The following YARS1 variants were observed in gnomAD, a reference collection of about 807,000 sequenced individuals.
YARS1 encodes tyrosyl-tRNA synthetase 1, also known as tyrosine--tRNA ligase, cytoplasmic.
Under a neutral mutation model 62.2 loss-of-function variants are expected in YARS1, and 36 were observed. That is an observed-to-expected ratio of 0.58 (90% confidence interval 0.44 to 0.76). The LOEUF is 0.76. YARS1 is among the 30% of genes least tolerant of loss of function. YARS1 has a pLI of 0.00. For missense variants in YARS1, 524 were observed against 639.8 expected (o/e 0.82, Z 1.95); for synonymous variants, 234 against 244.9 (o/e 0.96, Z 0.42).
chr1:32,794,298 C>T (rs1224822848), intron 5 of YARS1, among the ~76,000 whole-genome samples: 3 of 151,920 alleles, frequency 2.0e-5, no homozygotes, highest in South Asian at 4.2e-4. Flanking sequence ...TGCAGTGAGC[C>T]GAGATCATGC....
chr1:32,779,995 A>G (rs1041470565), intron 11 of YARS1, 90 bp downstream of exon 11: 1 of 1,506,356 alleles, frequency 6.6e-7, no homozygotes, highest in Admixed American at 1.7e-5. Context: ...CAGAGCTTCC[A>G]CCTGGTGTGT....
At chr1:32,809,777 G>A (rs1284802843) in intron 3 of YARS1, among the ~76,000 whole-genome samples, 7 of 152,140 alleles carry the variant, frequency 4.6e-5, no homozygotes, top group East Asian at 1.9e-4. Context: ...CTAATAGAGC[G>A]CTATGTACTT....
At chr1:32,802,437 C>T (rs1638324991) in intron 4 of YARS1, among the ~76,000 whole-genome samples, 1 of 151,908 alleles carries the variant, frequency 6.6e-6, no homozygotes. Context: ...CAGAGGTTTT[C>T]AGTTTACTTT....
intron 4 of YARS1, 59 bp from the exon 5 acceptor site, chr1:32,797,902 G>A (rs1557457861): frequency 2.1e-6 from 3 of 1,452,952 alleles, no homozygotes; most frequent in Non-Finnish European, 2.9e-6. Flanking sequence ...ACAGAGTCTC[G>A]CTCTGTCGCC....
At chr1:32,797,447 C>T (rs34460415) in intron 5 of YARS1, 15,152 of 422,556 alleles carry the variant, frequency 0.036, 370 homozygotes, top group African/African-American at 0.076. Context: ...GTAGTTCCAA[C>T]TGGTAATGCC....
At position 32,806,618 on chromosome 1, in the gene YARS1, AG is replaced by A. The variant is rs777255887; in HGVS notation, c.381-8del. 6.2e-7 allele frequency: 1 copy of A among 1,614,148 alleles called. No homozygotes were observed. The highest frequency in any genetic ancestry group is 8.5e-7 in the Non-Finnish European group (1 of 1,180,034). ...CACATCTAGTGTGTACTCTCTGAAG[AG>A]GAAAGGAAGAGGGGACAGCTGTAAA... On this transcript the variant is annotated splice_region_variant and splice_polypyrimidine_tract_variant and intron_variant, in intron 3 of 12. Transcript: ENST00000373477.
chr1:32,776,005 C>T lies in YARS1; in HGVS notation c.1563G>A (p.Ser521=), dbSNP rs139496156. 6.8e-6 allele frequency: 11 copies of T among 1,613,954 alleles called. No homozygotes were observed. In the African/African-American group the frequency reaches 1.3e-4, roughly 20 times the overall value. ...MTKLGSISCK[S]LKGGNIS ...GCTAGCTAATGTTCCCCCCTTTCAG[C>T]GATTTACAGGAAATGGAGCCCAGCT... Residue 521 remains serine (S), a synonymous_variant, in exon 13 of 13, where the codon TCG becomes TCA. Coordinates refer to ENST00000373477, the MANE Select transcript of YARS1 (RefSeq NM_003680.4). The surrounding 1 kb of genome is among the most constrained non-coding windows in gnomAD (Gnocchi z 4.0).
chr1:32,782,048 G>A (rs551435570), intron 9 of YARS1: 3 of 173,530 alleles, frequency 1.7e-5, no homozygotes, highest in East Asian at 1.6e-4. Flanking sequence ...CAAGTGATCC[G>A]CCTGCCTCAG....
At chr1:32,781,251 T>A in intron 9 of YARS1, 106 bp from the exon 10 acceptor site, 1 of 934,416 alleles carries the variant, frequency 1.1e-6, no homozygotes, top group Non-Finnish European at 1.7e-6. Context: ...TAGTGTAGAA[T>A]CCCCAGAGTC....
chr1:32,800,139 C>A (rs1638241795), intron 4 of YARS1, among the ~76,000 whole-genome samples: 1 of 152,032 alleles, frequency 6.6e-6, no homozygotes, highest in African/African-American at 2.4e-5. Flanking sequence ...TGCCACCACA[C>A]CTGGCTAATT....
intron 3 of YARS1, 70 bp from the exon 4 acceptor site, chr1:32,806,681 G>A: frequency 6.2e-7 from 1 of 1,607,138 alleles, no homozygotes; most frequent in Non-Finnish European, 8.5e-7. Context: ...GAAATCTAAA[G>A]CACATTAATT....
At chr1:32,797,867 T>C (rs769957380) in intron 4 of YARS1, 24 bp from the exon 5 acceptor site, 66 of 1,600,034 alleles carry the variant, frequency 4.1e-5, no homozygotes, top group Non-Finnish European at 5.5e-5. Flanking sequence ...CACATGAACA[T>C]AAACATCTAC....
At chr1:32,793,000 A>G (rs1468081880) in intron 5 of YARS1, among the ~76,000 whole-genome samples, 1 of 152,076 alleles carries the variant, frequency 6.6e-6, no homozygotes, top group Non-Finnish European at 1.5e-5. Flanking sequence ...AAAATGGATG[A>G]AAGAGAATTG....
intron 4 of YARS1, among the ~76,000 whole-genome samples, chr1:32,805,227 GAGGGGGAGA>G (rs1465330259): frequency 1.6e-4 from 1 of 6,068 alleles, no homozygotes; most frequent in Non-Finnish European, 4.6e-4. Context: ...GGAAAGGGGA[GAGGGGGAGA>G]GGGGGAGAGG....
At chr1:32,805,138 G>C (rs1341997021) in intron 4 of YARS1, among the ~76,000 whole-genome samples, 2 of 151,538 alleles carry the variant, frequency 1.3e-5, no homozygotes, top group Admixed American at 1.3e-4. Flanking sequence ...TGAGGCAGGA[G>C]AATCAGGCAG....
intron 10 of YARS1, 152 bp downstream of exon 10, chr1:32,780,896 A>C (rs1653032257): frequency 1.4e-6 from 1 of 740,200 alleles, no homozygotes; most frequent in Non-Finnish European, 2.4e-6. Flanking sequence ...ATCGCAACAG[A>C]AAGCCTGATG....
chr1:32,812,743 C>T (rs1401797997), intron 1 of YARS1, among the ~76,000 whole-genome samples: 4 of 152,128 alleles, frequency 2.6e-5, no homozygotes, highest in Admixed American at 6.5e-5. Context: ...GAGGCCAAGG[C>T]GGGCAGATCA....
intron 5 of YARS1, among the ~76,000 whole-genome samples, chr1:32,793,787 A>C (rs1055249096): frequency 6.6e-6 from 1 of 152,252 alleles, no homozygotes; most frequent in Admixed American, 6.5e-5. Context: ...GGAAGCCAGA[A>C]GGCAATGCAA....
At chr1:32,785,730 G>A (rs1351776122) in intron 8 of YARS1, among the ~76,000 whole-genome samples, 1 of 151,404 alleles carries the variant, frequency 6.6e-6, no homozygotes, top group South Asian at 2.1e-4. Context: ...TTACAGGTGC[G>A]TGCCACCATG....
Sources: allele counts gnomAD v4.1 joint callset (sites outside exome capture counted in the v4.1 genomes callset), GRCh38; gene constraint gnomAD v4.1.1; non-coding constraint Gnocchi (gnomAD v3.1); transcripts MANE v1.5; gene names NCBI Gene and HGNC (gene_info 2026-07-23, HGNC 2026-07-21).